Variants in PMPCB observed in about 807,000 individuals in gnomAD.
The protein encoded by PMPCB is mitochondrial-processing peptidase subunit beta.
A neutral mutation model predicts 61.5 loss-of-function variants in PMPCB; 46 were observed. That is an observed-to-expected ratio of 0.75 (90% CI 0.59 to 0.96). The LOEUF (loss-of-function observed/expected upper bound fraction) is 0.96. Ranked by LOEUF, PMPCB falls within the 40% of genes least tolerant of loss-of-function variation. PMPCB has a pLI of 0.00. For synonymous variants in PMPCB, 191 were observed against 201.6 expected (o/e 0.95, Z 0.44); for missense variants, 590 against 602.4 (o/e 0.98, Z 0.22).
chr7:103,324,346 T>C, intron 12 of PMPCB: 1 of 636,504 alleles, frequency 1.6e-6, no homozygotes, highest in Non-Finnish European at 2.3e-6. Context: ...AAATATCACA[T>C]AGGTAACAGA....
chr7:103,298,502 G>A (rs1240602981), intron 1 of PMPCB, 66 bp from the exon 2 acceptor site: 3 of 1,482,234 alleles, frequency 2.0e-6, no homozygotes, highest in Non-Finnish European at 2.8e-6. Context: ...GGTTTTAAAA[G>A]CAACATTTAA....
chr7:103,325,355 T>C (rs374814928), intron 12 of PMPCB, among the ~76,000 whole-genome samples: 68 of 152,040 alleles, frequency 4.5e-4, no homozygotes, highest in African/African-American at 1.6e-3. Flanking sequence ...GAGAATTGCT[T>C]GAACCTGGGA....
rs1290041341 is a variant in PMPCB at position 103,312,102 on chromosome 7, A to G, written c.1376A>G (p.Tyr459Cys). The change falls in exon 12 of 13, where the codon TAT becomes TGT. Residue 459 changes from tyrosine (Y) to cysteine (C), a missense_variant. Tyr to Cys is a radical substitution (Grantham distance 194). Transcript: ENST00000249269. Reference protein sequence around the residue: ...TIREVCTKYIYNRSPAIAAVG... With the variant: ...TIREVCTKYICNRSPAIAAVG... ...CGAGAAGTATGTACCAAATACATTTATAATAGGAGTCCAGCTATTGCTGCT... is the reference window on the plus strand; with the variant it reads ...CGAGAAGTATGTACCAAATACATTTGTAATAGGAGTCCAGCTATTGCTGCT... The G allele has an allele frequency of 1.2e-6, 2 of 1,613,972 alleles. No individual in the cohort carries two copies. Among genetic ancestry groups the G allele is most frequent in the African/African-American group, 1.3e-5 (1 of 74,926 alleles).
chr7:103,332,906 G>T (rs939683241), downstream of PMPCB, among the ~76,000 whole-genome samples: 1 of 152,176 alleles, frequency 6.6e-6, no homozygotes, highest in Non-Finnish European at 1.5e-5. Flanking sequence ...TCAAAGGCAT[G>T]AGCCACCATG....
chr7:103,304,891 G>A (rs1487387911), intron 6 of PMPCB, among the ~76,000 whole-genome samples: 4 of 151,930 alleles, frequency 2.6e-5, no homozygotes, highest in South Asian at 2.1e-4. Flanking sequence ...CCCAGGAGGC[G>A]GAGGTTACAG....
In PMPCB at chr7:103,304,034, A is replaced by G. The variant is rs2115654609; in HGVS notation, c.650A>G (p.Asn217Ser). Residue 217 changes from asparagine (N) to serine (S), a missense_variant, in exon 5 of 13, where the codon AAT (asparagine) becomes AGT (serine). By Grantham distance (46) the Asn-to-Ser change is conservative. Transcript: ENST00000249269. ...LGRTILGPTE[N>S]IKSISRKDLV... is the part of the protein sequence containing the mutation. ...CGGACAATTTTGGGACCAACTGAAA[A>G]TATCAAGTAGGTATAACAGAATTTC... is the stretch of plus-strand genomic sequence containing the variant. 29 of 1,604,806 alleles carry G rather than the reference A, an allele frequency of 1.8e-5. No individual in the cohort carries two copies. The highest frequency in any genetic ancestry group is 2.4e-5 in the Non-Finnish European group (28 of 1,171,740).
chr7:103,300,678 T>G (rs921333222), intron 4 of PMPCB, among the ~76,000 whole-genome samples: 5 of 152,200 alleles, frequency 3.3e-5, no homozygotes, highest in African/African-American at 1.2e-4. Context: ...TTAGAGCTAA[T>G]TGGTAAACTC....
chr7:103,299,472 A>T lies in PMPCB; in HGVS notation c.270A>T (p.Arg90Ser). ...GACTCTGGATTGATGCTGGAAGTAGATACGAAAATGAGAAGAACAATGGAA... is the reference window on the plus strand; with the variant it reads ...GACTCTGGATTGATGCTGGAAGTAGTTACGAAAATGAGAAGAACAATGGAA... The part of the protein sequence containing the change: ...TVGLWIDAGS[R>S]YENEKNNGTA... The change falls in exon 3 of 13, where the codon AGA (arginine) becomes AGT (serine). Residue 90 changes from arginine (R) to serine (S), a missense_variant. By Grantham distance (110) the Arg-to-Ser change is moderately radical. Coordinates refer to ENST00000249269, the MANE Select transcript of PMPCB (RefSeq NM_004279.3). The T allele has an allele frequency of 6.2e-7, 1 of 1,611,602 alleles. No homozygotes were observed. The highest frequency in any genetic ancestry group is 8.5e-7 in the Non-Finnish European group (1 of 1,177,910).
At chr7:103,322,203 G>A (rs1818458081) in intron 12 of PMPCB, 1 of 734,574 alleles carries the variant, frequency 1.4e-6, no homozygotes, top group South Asian at 3.6e-5. Context: ...TAAACTTATT[G>A]AAAACTGAAG....
downstream of PMPCB, among the ~76,000 whole-genome samples, chr7:103,330,992 T>G (rs1214772643): frequency 6.7e-6 from 1 of 149,904 alleles, no homozygotes; most frequent in Admixed American, 6.6e-5. Context: ...GGAGTCTCAC[T>G]CTGTTGGCCA....
the PMPCB span, among the ~76,000 whole-genome samples, chr7:103,342,982 AT>A: frequency 3.3e-5 from 5 of 152,006 alleles, no homozygotes; most frequent in Non-Finnish European, 5.9e-5. Flanking sequence ...AAAATAAAAA[AT>A]CTAAAAACAA....
At chr7:103,344,023 C>A in the PMPCB span, among the ~76,000 whole-genome samples, 1 of 152,366 alleles carries the variant, frequency 6.6e-6, no homozygotes, top group East Asian at 1.9e-4. Flanking sequence ...ACAAGTTTCA[C>A]TTGTAATAAC....
chr7:103,332,624 C>CT (rs141891416), downstream of PMPCB, among the ~76,000 whole-genome samples: 8,112 of 146,872 alleles, frequency 0.055, 270 homozygotes, highest in African/African-American at 0.091. Flanking sequence ...GTTTTTCATC[C>CT]TTTTTTTTTT....
intron 6 of PMPCB, among the ~76,000 whole-genome samples, chr7:103,306,699 T>C (rs1019584457): frequency 1.3e-5 from 2 of 152,088 alleles, no homozygotes; most frequent in African/African-American, 4.8e-5. Context: ...TCCTGAGTTC[T>C]GATAGCAGAG....
chr7:103,322,889 T>A, intron 12 of PMPCB: 1 of 969,758 alleles, frequency 1.0e-6, no homozygotes, highest in Non-Finnish European at 1.5e-6. Context: ...GTACATAACA[T>A]CCTAGAGGTT....
chr7:103,307,937 T>G (rs1817632369), intron 7 of PMPCB, among the ~76,000 whole-genome samples: 1 of 152,258 alleles, frequency 6.6e-6, no homozygotes, highest in African/African-American at 2.4e-5. Flanking sequence ...AATTTCTCCA[T>G]TCTAGTCTGA....
intron 12 of PMPCB, among the ~76,000 whole-genome samples, chr7:103,328,105 A>G (rs1818803338): frequency 6.6e-6 from 1 of 151,816 alleles, no homozygotes; most frequent in East Asian, 2.0e-4. Context: ...TATTTTTAGT[A>G]GAAACAAGGT....
downstream of PMPCB, chr7:103,317,068 C>T: frequency 6.8e-7 from 1 of 1,465,974 alleles, no homozygotes; most frequent in Non-Finnish European, 9.4e-7. Flanking sequence ...TGCTATTCTA[C>T]ACTCTCTTCC....
chr7:103,324,947 A>G (rs1450786673), intron 12 of PMPCB, among the ~76,000 whole-genome samples: 2 of 152,166 alleles, frequency 1.3e-5, no homozygotes, highest in Non-Finnish European at 2.9e-5. Context: ...CTAGCCCTTT[A>G]AAAATGTTAA....
Sources: gnomAD v4.1 joint callset for allele counts (sites outside exome capture counted in the v4.1 genomes callset) on GRCh38, gnomAD v4.1.1 for gene constraint, MANE v1.5 for transcripts, NCBI Gene and HGNC (gene_info 2026-07-23, HGNC 2026-07-21) for gene names.